TRPM3: variants seen among roughly 807,000 people sequenced by gnomAD.
TRPM3 encodes transient receptor potential cation channel subfamily M member 3, also known as long transient receptor potential channel 3.
A neutral mutation model predicts 181.2 loss-of-function variants in TRPM3; 77 were observed. The observed-to-expected ratio is 0.42, with a 90% CI of 0.35 to 0.51. The LOEUF (loss-of-function observed/expected upper bound fraction) is 0.51. Among genes scored for constraint, TRPM3 ranks in the 20% least tolerant of loss-of-function variants. The pLI, the probability that TRPM3 is intolerant of heterozygous loss-of-function variation, is 0.01. For missense variants in TRPM3, 1,759 were observed against 2,196.7 expected (o/e 0.80, Z 3.98); for synonymous variants, 745 against 796.4 (o/e 0.94, Z 1.09).
chr9:71,320,478 A>T (rs1026805842), intron 1 of TRPM3, among the ~76,000 whole-genome samples: 1 of 152,136 alleles, frequency 6.6e-6, no homozygotes, highest in African/African-American at 2.4e-5. Context: ...AGAAGGGAAA[A>T]ATATCCTTTT....
chr9:71,419,427 T>C (rs960678935), intron 1 of TRPM3, among the ~76,000 whole-genome samples: 4 of 151,972 alleles, frequency 2.6e-5, no homozygotes, highest in African/African-American at 9.7e-5. Context: ...GTTTACAAAT[T>C]ATTAGGTATC....
At chr9:70,636,316 C>A (rs1474981245) in intron 11 of TRPM3, among the ~76,000 whole-genome samples, 1 of 151,914 alleles carries the variant, frequency 6.6e-6, no homozygotes, top group African/African-American at 2.4e-5. Context: ...TAGCTTGCAG[C>A]CCATACAGAA....
chr9:71,056,771 G>T (rs981478269), intron 1 of TRPM3, among the ~76,000 whole-genome samples: 1 of 151,916 alleles, frequency 6.6e-6, no homozygotes, highest in African/African-American at 2.4e-5. Flanking sequence ...CTGACATCTT[G>T]ATCTTGAAAT....
At chr9:71,341,038 A>G (rs1180049652) in intron 1 of TRPM3, among the ~76,000 whole-genome samples, 1 of 152,160 alleles carries the variant, frequency 6.6e-6, no homozygotes, top group Admixed American at 6.6e-5. Flanking sequence ...TTAAAATAAA[A>G]GATATATTAT....
rs552307511 is a variant in TRPM3 at position 71,038,665 on chromosome 9, G to A, written c.177+82513C>T. 2.6e-4 allele frequency among the ~76,000 whole-genome samples: 40 copies of A among 152,006 alleles called. No homozygotes were observed. In the South Asian group the frequency reaches 6.2e-3, roughly 24 times the overall value. On this transcript the variant is annotated intron_variant, in intron 1 of 25. Transcript: ENST00000677713. ...TTACTGAGTACCTATTATGTGTCAG[G>A]CACAGTGTTAGAAGCCAGGGATACA... is the stretch of plus-strand genomic sequence containing the variant.
At chr9:71,224,896 A>G (rs959948817) in intron 1 of TRPM3, among the ~76,000 whole-genome samples, 1 of 152,190 alleles carries the variant, frequency 6.6e-6, no homozygotes, top group Non-Finnish European at 1.5e-5. Context: ...GCTTAAAGAC[A>G]GGTATCTGAA....
At chr9:70,885,240 C>T (rs781194751) in intron 1 of TRPM3, among the ~76,000 whole-genome samples, 6 of 152,132 alleles carry the variant, frequency 3.9e-5, no homozygotes, top group Non-Finnish European at 8.8e-5. Context: ...TTGACTATTG[C>T]ATAATTCTTT....
chr9:70,771,248 T>C (rs1192058492), intron 7 of TRPM3, among the ~76,000 whole-genome samples: 2 of 152,146 alleles, frequency 1.3e-5, no homozygotes, highest in African/African-American at 4.8e-5. Flanking sequence ...AGATTTGATA[T>C]TTAGGATAAA....
At chr9:70,551,912 C>G (rs1397516020) in intron 24 of TRPM3, among the ~76,000 whole-genome samples, 1 of 152,166 alleles carries the variant, frequency 6.6e-6, no homozygotes, top group African/African-American at 2.4e-5. Context: ...ATGTAAATGT[C>G]TAGAAAGAAG....
At chr9:71,427,243 A>G (rs572450365) in intron 1 of TRPM3, among the ~76,000 whole-genome samples, 68 of 152,286 alleles carry the variant, frequency 4.5e-4, no homozygotes, top group Non-Finnish European at 7.2e-4. Flanking sequence ...GTCTTACTCT[A>G]AAGTTTTTAT....
At chr9:70,591,438 G>C (rs35752058) in intron 21 of TRPM3, among the ~76,000 whole-genome samples, 23,685 of 152,178 alleles carry the variant, frequency 0.16, 2,033 homozygotes, top group East Asian at 0.23. Flanking sequence ...TGCACACACA[G>C]ATGAAGCCTC....
At chr9:70,975,013 G>A (rs1383768669) in intron 1 of TRPM3, among the ~76,000 whole-genome samples, 1 of 151,682 alleles carries the variant, frequency 6.6e-6, no homozygotes, top group Non-Finnish European at 1.5e-5. Flanking sequence ...GATTACAGGT[G>A]CCCATCACCA....
chr9:70,644,506 A>G (rs1350233288), intron 9 of TRPM3, among the ~76,000 whole-genome samples: 1 of 151,984 alleles, frequency 6.6e-6, no homozygotes, highest in African/African-American at 2.4e-5. Flanking sequence ...AAAATTCAAC[A>G]CCCCTTCATG....
chr9:71,011,738 C>T lies in TRPM3; in HGVS notation c.177+109440G>A, dbSNP rs530284348. ...TTAAATAATAATAAAAAGGCTTTAC[C>T]CATATAGGGGTCATACAGGAATTCA... On this transcript the variant is annotated intron_variant, in intron 1 of 25. Coordinates refer to ENST00000677713, the MANE Select transcript of TRPM3 (RefSeq NM_001366145.2). Among the ~76,000 whole-genome samples the T allele has an allele frequency of 2.0e-5, 3 of 149,586 alleles. No individual in the cohort carries two copies. In the South Asian group the frequency reaches 6.3e-4, roughly 32 times the overall value.
chr9:70,979,665 C>G (rs918018197), intron 1 of TRPM3, among the ~76,000 whole-genome samples: 8 of 152,128 alleles, frequency 5.3e-5, no homozygotes, highest in Admixed American at 1.3e-4. Flanking sequence ...TGCAGCCACC[C>G]CCTACCCACA....
chr9:70,839,935 G>A (rs1350745192), intron 5 of TRPM3, among the ~76,000 whole-genome samples: 1 of 152,120 alleles, frequency 6.6e-6, no homozygotes, highest in African/African-American at 2.4e-5. Flanking sequence ...AGGACAGATG[G>A]CAGTACATTA....
intron 7 of TRPM3, among the ~76,000 whole-genome samples, chr9:70,770,649 C>G (rs1223396901): frequency 1.3e-5 from 2 of 152,130 alleles, no homozygotes; most frequent in African/African-American, 2.4e-5. Flanking sequence ...GGATCTGAGA[C>G]AGGTTATTTG....
intron 1 of TRPM3, among the ~76,000 whole-genome samples, chr9:71,116,700 G>A (rs945735100): frequency 4.0e-5 from 6 of 151,404 alleles, no homozygotes; most frequent in Non-Finnish European, 5.9e-5. Context: ...AAAGAGAAAG[G>A]ATAAAAAATA....
chr9:70,961,730 A>G (rs1168599356), intron 1 of TRPM3, among the ~76,000 whole-genome samples: 1 of 152,090 alleles, frequency 6.6e-6, no homozygotes, highest in Non-Finnish European at 1.5e-5. Flanking sequence ...CTTATGTCAT[A>G]TTATTTTCTT....
Sources: gnomAD v4.1 joint callset for allele counts (sites outside exome capture counted in the v4.1 genomes callset) on GRCh38, gnomAD v4.1.1 for gene constraint, MANE v1.5 for transcripts, NCBI Gene and HGNC (gene_info 2026-07-23, HGNC 2026-07-21) for gene names.